Variants in ARSB observed in about 807,000 individuals in gnomAD.
ARSB encodes arylsulfatase B, also known as N-acetylgalactosamine-4-sulfatase.
A neutral mutation model predicts 50.9 loss-of-function variants in ARSB; 41 were observed. That is an observed-to-expected ratio of 0.81 (90% confidence interval 0.63 to 1.04). The LOEUF (loss-of-function observed/expected upper bound fraction) is 1.04. Ranked by LOEUF, ARSB falls within the 50% of genes least tolerant of loss-of-function variation. ARSB has a pLI of 0.00. For synonymous variants in ARSB, 269 were observed against 284.8 expected, an observed-to-expected ratio of 0.94 and a Z score of 0.56; for missense variants, 672 against 693.3, an observed-to-expected ratio of 0.97 and a Z score of 0.35.
intron 6 of ARSB, among the ~76,000 whole-genome samples, chr5:78,823,716 G>C (rs1278085151): frequency 1.3e-5 from 2 of 152,146 alleles, no homozygotes; most frequent in Non-Finnish European, 2.9e-5. Flanking sequence ...TCTGTGATGA[G>C]CTCTAAAATC....
At chr5:78,919,475 T>G (rs930434503) in intron 4 of ARSB, among the ~76,000 whole-genome samples, 21 of 152,026 alleles carry the variant, frequency 1.4e-4, no homozygotes, top group African/African-American at 4.8e-4. Context: ...ACTTATTTAT[T>G]CATTTATTCA....
At chr5:78,867,688 T>A (rs1746859671) in intron 5 of ARSB, among the ~76,000 whole-genome samples, 1 of 151,308 alleles carries the variant, frequency 6.6e-6, no homozygotes. Context: ...AGACCAAAAG[T>A]AGATAAAACC....
intron 5 of ARSB, among the ~76,000 whole-genome samples, chr5:78,853,137 T>A (rs536705250): frequency 6.6e-6 from 1 of 152,322 alleles, no homozygotes; most frequent in Non-Finnish European, 1.5e-5. Context: ...GGCGCTCTGT[T>A]TTTAGAGTTT....
intron 4 of ARSB, among the ~76,000 whole-genome samples, chr5:78,897,279 A>G (rs1432252367): frequency 1.3e-5 from 2 of 152,158 alleles, no homozygotes; most frequent in Non-Finnish European, 2.9e-5. Flanking sequence ...GTGTGGGGTT[A>G]TTACGGGCAT....
At chr5:78,817,041 A>C in intron 6 of ARSB, 2 of 977,212 alleles carry the variant, frequency 2.0e-6, no homozygotes, top group Non-Finnish European at 2.4e-6. Context: ...GTAATTTGCT[A>C]TACAGCGATA....
At chr5:78,884,450 C>A (rs1747910347) in intron 5 of ARSB, 1 of 151,896 alleles carries the variant, frequency 6.6e-6, no homozygotes. Context: ...CTCCTAAATA[C>A]TCCATTGTGT....
intron 4 of ARSB, among the ~76,000 whole-genome samples, chr5:78,920,607 G>A (rs1749763825): frequency 6.6e-6 from 1 of 152,126 alleles, no homozygotes; most frequent in South Asian, 2.1e-4. Flanking sequence ...ATAAGGCTGG[G>A]ACAGCAGTGG....
chr5:78,937,403 T>C (rs1209725878), intron 4 of ARSB, among the ~76,000 whole-genome samples: 1 of 136,518 alleles, frequency 7.3e-6, no homozygotes, highest in Non-Finnish European at 1.5e-5. Context: ...ATATGTAAGA[T>C]ATATATATGT....
At chr5:78,827,285 T>G (rs1253455648) in intron 6 of ARSB, among the ~76,000 whole-genome samples, 1 of 152,030 alleles carries the variant, frequency 6.6e-6, no homozygotes, top group Non-Finnish European at 1.5e-5. Context: ...CTCAGCTCAC[T>G]GCAACCTCTG....
chr5:78,804,576 TG>T (rs201696798), intron 6 of ARSB, among the ~76,000 whole-genome samples: 3,473 of 152,312 alleles, frequency 0.023, 62 homozygotes, highest in Non-Finnish European at 0.037. Flanking sequence ...AGAAATCTTT[TG>T]ACATGGCAGA....
intron 4 of ARSB, among the ~76,000 whole-genome samples, chr5:78,889,766 C>T (rs1481667028): frequency 6.6e-6 from 1 of 152,176 alleles, no homozygotes; most frequent in Non-Finnish European, 1.5e-5. Flanking sequence ...GAAACCATGA[C>T]AACAGCATTA....
chr5:78,834,793 T>C (rs34249973), intron 6 of ARSB, among the ~76,000 whole-genome samples: 30,427 of 151,300 alleles, frequency 0.2, 3,809 homozygotes, highest in Non-Finnish European at 0.26. Context: ...CTTTTAGGTA[T>C]ATACTCAGAA....
At chr5:78,808,657 C>G (rs962898226) in intron 6 of ARSB, among the ~76,000 whole-genome samples, 5 of 152,142 alleles carry the variant, frequency 3.3e-5, no homozygotes, top group African/African-American at 1.2e-4. Flanking sequence ...GAAGCACTCC[C>G]ACTAAAGCAT....
At position 78,777,714 on chromosome 5, in the gene ARSB, G is replaced by C. The variant is rs1412534080; in HGVS notation, c.*2683C>G. 3 of 151,814 alleles carry C rather than the reference G, an allele frequency of 2.0e-5. No homozygotes were observed. Among genetic ancestry groups the C allele is most frequent in the African/African-American group, 7.3e-5 (3 of 41,300 alleles). 9.4% of individuals were successfully genotyped at this position (151,814 alleles called of 1,614,324 possible). A position where few individuals can be genotyped will look rare whatever the true frequency, so the allele number is the denominator to read the frequency against. Reference sequence around the variant, plus strand: ...CGAAAAATACAAAACATAGCCAGGCGTGGTGGTGTATGCCTGTAATCCAGC... The same window carrying C: ...CGAAAAATACAAAACATAGCCAGGCCTGGTGGTGTATGCCTGTAATCCAGC... On this transcript the variant is annotated 3_prime_UTR_variant, in exon 8 of 8. Coordinates refer to ENST00000264914, the MANE Select transcript of ARSB (RefSeq NM_000046.5).
At chr5:78,944,338 G>A (rs967368917) in intron 4 of ARSB, among the ~76,000 whole-genome samples, 15 of 152,204 alleles carry the variant, frequency 9.9e-5, no homozygotes, top group Non-Finnish European at 1.3e-4. Context: ...CATTCCTTTG[G>A]AGGAGGAGAG....
At chr5:78,845,447 C>G (rs768293225) in intron 5 of ARSB, among the ~76,000 whole-genome samples, 71 of 152,012 alleles carry the variant, frequency 4.7e-4, no homozygotes, top group Non-Finnish European at 8.4e-4. Context: ...TTTTGAGGAG[C>G]CTTCATATTG....
At chr5:78,913,138 T>G (rs1257201603) in intron 4 of ARSB, among the ~76,000 whole-genome samples, 1 of 136,796 alleles carries the variant, frequency 7.3e-6, no homozygotes, top group Admixed American at 7.4e-5. Flanking sequence ...TTTTTTTTTC[T>G]TTTGTTGAGA....
rs866547270 is a variant in ARSB, at chr5:78,939,284, T to A, written c.898+16011A>T. 2.4e-4 allele frequency among the ~76,000 whole-genome samples: 6 copies of A among 25,478 alleles called. No homozygotes were observed. In the South Asian group the frequency reaches 5.4e-3, roughly 23 times the overall value. 16.7% of individuals were successfully genotyped at this position (25,478 alleles called of 152,430 possible). A position where few individuals can be genotyped will look rare whatever the true frequency, so the allele number is the denominator to read the frequency against. On this transcript the variant is annotated intron_variant, in intron 4 of 7. Transcript: ENST00000264914. ...GGTCCAAGCTCTCCTATGTATTTCT[T>A]TTTTTTTTTTTAATACTTTAAGTTC...
intron 1 of ARSB, among the ~76,000 whole-genome samples, chr5:78,975,845 C>T (rs533932572): frequency 4.6e-5 from 7 of 152,192 alleles, no homozygotes; most frequent in Non-Finnish European, 1.0e-4. Flanking sequence ...ACAGACAAGG[C>T]AATCTAATGG....
Sources: allele counts gnomAD v4.1 joint callset (sites outside exome capture counted in the v4.1 genomes callset), GRCh38; gene constraint gnomAD v4.1.1; transcripts MANE v1.5; gene names NCBI Gene and HGNC (gene_info 2026-07-23, HGNC 2026-07-21).